Variants in ALMS1 observed in about 807,000 individuals in gnomAD.
ALMS1 encodes ALMS1 centrosome and basal body associated protein.
In ALMS1, 271 loss-of-function variants were observed where a neutral mutation model predicts 352.2. That is an observed-to-expected ratio of 0.77 (90% CI 0.70 to 0.85). ALMS1 has a LOEUF of 0.85. Ranked by LOEUF, ALMS1 falls within the 40% of genes least tolerant of loss-of-function variation. ALMS1 has a pLI of 0.00. For missense variants in ALMS1, 5,445 were observed against 4,870.7 expected (o/e 1.12, Z -3.51); for synonymous variants, 1,865 against 1,761.2 (o/e 1.06, Z -1.48).
At chr2:73,386,966 AAAGAG>A (rs1194185608) in intron 1 of ALMS1, among the ~76,000 whole-genome samples, 1 of 152,164 alleles carries the variant, frequency 6.6e-6, no homozygotes, top group African/African-American at 2.4e-5. Flanking sequence ...TTTACATCTT[AAAGAG>A]AAAACTATTA....
intron 1 of ALMS1, among the ~76,000 whole-genome samples, chr2:73,395,603 G>C (rs1670744855): frequency 6.6e-6 from 1 of 152,018 alleles, no homozygotes; most frequent in East Asian, 1.9e-4. Context: ...CGTTGTAGAT[G>C]TTTAAAAACA....
intron 10 of ALMS1, among the ~76,000 whole-genome samples, chr2:73,513,132 C>T (rs1409500972): frequency 2.6e-5 from 4 of 152,264 alleles, no homozygotes; most frequent in South Asian, 2.1e-4. Context: ...ATGACCCTAA[C>T]GCTCCACTTG....
At chr2:73,559,292 C>A in intron 15 of ALMS1, 150 bp downstream of exon 15, 2 of 857,404 alleles carry the variant, frequency 2.3e-6, no homozygotes, top group African/African-American at 1.8e-5. Context: ...GTGTAAAGTA[C>A]TTTGATGCTA....
chr2:73,452,331 C>T lies in ALMS1; in HGVS notation c.5804C>T (p.Thr1935Ile), dbSNP rs1183501242. 1 of 1,614,050 alleles carries T rather than the reference C, an allele frequency of 6.2e-7. No homozygotes were observed. The highest frequency in any genetic ancestry group is 8.5e-7 in the Non-Finnish European group (1 of 1,179,998). ...GGTGACCGGAAGACTGAGATACCAA[C>T]AGTACCTTTAAGTTACTACTCACGT... ...GQGDRKTEIP[T>I]VPLSYYSRRE... The change falls in exon 8 of 23, where the codon ACA becomes ATA. Residue 1935 changes from threonine to isoleucine, a missense_variant. Thr to Ile is a moderately conservative substitution (Grantham distance 89, BLOSUM62 -1). Transcript: ENST00000613296.
chr2:73,538,311 T>C (rs6744697), intron 12 of ALMS1, among the ~76,000 whole-genome samples: 75,101 of 151,874 alleles, frequency 0.49, 21,489 homozygotes, highest in African/African-American at 0.8. Flanking sequence ...ATCTTCTCTA[T>C]ATCATTAATC....
chr2:73,423,066 G>A (rs1170021607), intron 4 of ALMS1, 92 bp downstream of exon 4: 2 of 1,128,314 alleles, frequency 1.8e-6, no homozygotes, highest in South Asian at 1.2e-5. Context: ...GGACTTTGAG[G>A]TGGGGCTTAG....
intron 13 of ALMS1, among the ~76,000 whole-genome samples, chr2:73,556,994 G>A (rs755835528): frequency 1.3e-5 from 2 of 152,110 alleles, no homozygotes; most frequent in African/African-American, 4.8e-5. Flanking sequence ...GAGCCACCCC[G>A]CCCGGCTTTA....
intron 11 of ALMS1, 25 bp from the exon 12 acceptor site, chr2:73,534,799 A>C (rs758290145): frequency 6.2e-7 from 1 of 1,609,878 alleles, no homozygotes; most frequent in South Asian, 1.1e-5. Flanking sequence ...TTTCATATTA[A>C]TTGTTCTGAT....
At chr2:73,603,577 A>C (rs925785224) in intron 21 of ALMS1, 5 of 409,416 alleles carry the variant, frequency 1.2e-5, no homozygotes, top group African/African-American at 1.0e-4. Context: ...AGAATATTTT[A>C]GGCCAGGTAC....
intron 1 of ALMS1, 24 bp from the exon 2 acceptor site, chr2:73,408,598 T>C (rs1334999429): frequency 3.7e-6 from 6 of 1,609,712 alleles, no homozygotes; most frequent in Admixed American, 1.7e-5. Flanking sequence ...TATTACTCTA[T>C]TTAAGCCTGC....
chr2:73,529,321 G>T (rs189743403), intron 11 of ALMS1, among the ~76,000 whole-genome samples: 16 of 152,250 alleles, frequency 1.1e-4, no homozygotes, highest in African/African-American at 3.9e-4. Context: ...TGGAATTACA[G>T]GCGTGAGCCA....
chr2:73,570,566 G>A (rs1674906137), intron 15 of ALMS1, among the ~76,000 whole-genome samples: 1 of 152,132 alleles, frequency 6.6e-6, no homozygotes, highest in Non-Finnish European at 1.5e-5. Context: ...GAGCAGAGAA[G>A]TGGGCCAGTA....
intron 16 of ALMS1, among the ~76,000 whole-genome samples, chr2:73,597,350 A>G (rs1397792040): frequency 6.6e-6 from 1 of 152,154 alleles, no homozygotes; most frequent in Non-Finnish European, 1.5e-5. Flanking sequence ...TTCTACAAAG[A>G]AAATCATGTC....
In ALMS1 at chr2:73,559,068, A is replaced by G; in HGVS notation, c.10310A>G (p.Glu3437Gly). Residue 3437 changes from glutamate to glycine, a missense_variant, in exon 15 of 23, where the codon GAG becomes GGG. By Grantham distance (98) the Glu-to-Gly change is moderately conservative. Coordinates refer to ENST00000613296, the MANE Select transcript of ALMS1 (RefSeq NM_001378454.1). ...PDTKAITQKE[E>G]IHRKKTVPEE... is the part of the protein sequence containing the mutation. ...ACTAAAGCCATTACACAGAAAGAGGAGATCCATAGGAAGAAGACAGTTCCC... is the reference window on the plus strand; with the variant it reads ...ACTAAAGCCATTACACAGAAAGAGGGGATCCATAGGAAGAAGACAGTTCCC... 1 of 1,614,064 alleles carries G rather than the reference A, an allele frequency of 6.2e-7. No homozygotes were observed. The highest frequency in any genetic ancestry group is 8.5e-7 in the Non-Finnish European group (1 of 1,179,954).
At position 73,523,738 on chromosome 2, in the gene ALMS1, G is replaced by A. The variant is rs565650091; in HGVS notation, c.9781+3722G>A. Among the ~76,000 whole-genome samples the A allele has an allele frequency of 2.0e-3, 302 of 151,956 alleles. 1 individual carries two copies. Among genetic ancestry groups the A allele is most frequent in the African/African-American group, 6.9e-3 (287 of 41,432 alleles). The stretch of plus-strand genomic sequence containing the variant: ...GCAGAGATCGTGCCAGTGCACTCCA[G>A]CCTGGGCGACAGAGTGAGACTCCTT... On this transcript the variant is annotated intron_variant, in intron 11 of 22. Coordinates refer to ENST00000613296, the MANE Select transcript of ALMS1 (RefSeq NM_001378454.1).
chr2:73,589,013 A>G (rs1003403884), intron 16 of ALMS1, among the ~76,000 whole-genome samples: 6 of 151,884 alleles, frequency 4.0e-5, no homozygotes, highest in Non-Finnish European at 7.4e-5. Flanking sequence ...ACCTATGTGT[A>G]TATATATATA....
rs745839558 is a variant in ALMS1, at chr2:73,424,777, C to A, written c.1112C>A (p.Thr371Asn). The change falls in exon 5 of 23, where the codon ACT (threonine) becomes AAT (asparagine). Residue 371 changes from threonine (T) to asparagine (N), a missense_variant. Thr to Asn is a moderately conservative substitution (Grantham distance 65). Coordinates refer to ENST00000613296, the MANE Select transcript of ALMS1 (RefSeq NM_001378454.1). ...GATAAAGATCAAGTTTCAGTTGCAA[C>A]TTCATTTGACATAACTGATGAAAAC... ...LADKDQVSVA[T>N]SFDITDENIA... The A allele has an allele frequency of 6.2e-7, 1 of 1,613,720 alleles. No homozygotes were observed. Among genetic ancestry groups the A allele is most frequent in the Non-Finnish European group, 8.5e-7 (1 of 1,179,760 alleles).
At chr2:73,586,111 T>C (rs1001496516) in intron 16 of ALMS1, among the ~76,000 whole-genome samples, 2 of 152,152 alleles carry the variant, frequency 1.3e-5, no homozygotes, top group Non-Finnish European at 2.9e-5. Flanking sequence ...TTGCCCACTT[T>C]TTGTTGGGAT....
chr2:73,601,908 G>A (rs1252330610), intron 19 of ALMS1, among the ~76,000 whole-genome samples: 1 of 152,218 alleles, frequency 6.6e-6, no homozygotes, highest in Non-Finnish European at 1.5e-5. Flanking sequence ...AGCACTGTGG[G>A]AAGAGCTGTA....
Sources: gnomAD v4.1 joint callset for allele counts (sites outside exome capture counted in the v4.1 genomes callset) on GRCh38, gnomAD v4.1.1 for gene constraint, MANE v1.5 for transcripts, NCBI Gene and HGNC (gene_info 2026-07-23, HGNC 2026-07-21) for gene names.